The following GLS variants were observed in gnomAD, a reference collection of about 807,000 sequenced individuals.
GLS encodes the protein glutaminase, also known as glutaminase kidney isoform, mitochondrial.
A neutral mutation model predicts 86.7 loss-of-function variants in GLS; 36 were observed. That is an observed-to-expected ratio of 0.42 (90% CI 0.32 to 0.55). GLS has a LOEUF of 0.55. Ranked by LOEUF, GLS falls within the 20% of genes least tolerant of loss-of-function variation. The probability of loss-of-function intolerance (pLI) is 0.17; values close to 1 mark genes in which losing one functional copy is unlikely to be tolerated. For synonymous variants in GLS, 317 were observed against 305.9 expected (o/e 1.04, Z -0.38); for missense variants, 528 against 833.4 (o/e 0.63, Z 4.51).
chr2:190,934,101 T>C (rs888619302), intron 14 of GLS: 33 of 978,526 alleles, frequency 3.4e-5, no homozygotes, highest in Non-Finnish European at 3.9e-5. Flanking sequence ...GTTTTCCCCA[T>C]AGTTCCCCTA....
In GLS at chr2:190,881,207, G is replaced by A; in HGVS notation, c.123G>A (p.Gly41=). The change falls in exon 1 of 18, where the codon GGG becomes GGA. Residue 41 remains glycine, a synonymous_variant. Coordinates refer to ENST00000320717, the MANE Select transcript of GLS (RefSeq NM_014905.5). ...CCCTGTGCCGGCGTCCCCGAGGCGG[G>A]GGACGGCCGGCCGCGGGCCCGGCTG... is the stretch of plus-strand genomic sequence containing the variant. ...LVTLCRRPRG[G]GRPAAGPAAA... 8.0e-7 allele frequency: 1 copy of A among 1,256,376 alleles called. No individual in the cohort carries two copies. The highest frequency in any genetic ancestry group is 1.6e-5 in the African/African-American group (1 of 64,102). The allele number at this position is 1,256,376 out of a possible 1,614,324, so 77.8% of individuals were successfully genotyped here.
In GLS at chr2:190,881,095, T is replaced by A; in HGVS notation, c.11T>A (p.Leu4Gln). The A allele has an allele frequency of 6.4e-7, 1 of 1,561,382 alleles. No homozygotes were observed. The highest frequency in any genetic ancestry group is 8.6e-7 in the Non-Finnish European group (1 of 1,161,218). The change falls in exon 1 of 18, where the codon CTG becomes CAG. Residue 4 changes from leucine (L) to glutamine (Q), a missense_variant. Leu to Gln is a moderately radical substitution (Grantham distance 113, BLOSUM62 -2). This residue lies in a region of GLS where 224 missense variants were observed against 187.9 expected (regional missense o/e 1.19). Transcript: ENST00000320717. MMR[L>Q]RGSGMLRDLL... The stretch of plus-strand genomic sequence containing the variant: ...GACGGACCCGGCGGCATGATGCGGC[T>A]GCGAGGCTCGGGGATGCTGCGGGAC...
Position 190,927,298 on chromosome 2 carries a change from T to C in GLS, c.1249-8T>C, listed in dbSNP as rs1689931051. 2.5e-6 allele frequency: 4 copies of C among 1,584,706 alleles called. No individual in the cohort carries two copies. In the East Asian group the frequency reaches 9.1e-5, roughly 36 times the overall value. On this transcript the variant is annotated splice_polypyrimidine_tract_variant and splice_region_variant and intron_variant, in intron 11 of 17. Coordinates refer to ENST00000320717, the MANE Select transcript of GLS (RefSeq NM_014905.5). ...TAGTATGAGAATTCTGCTTTTTCTT[T>C]GTGTTAGCTGTGCTCCATTGAAGTG...
intron 7 of GLS, among the ~76,000 whole-genome samples, chr2:190,910,623 A>T (rs1030905616): frequency 8.3e-5 from 12 of 145,096 alleles, no homozygotes; most frequent in South Asian, 4.5e-4. Flanking sequence ...TTTTTTTTTT[A>T]AAGTTTTGAT....
rs570493604 is a variant in GLS, at chr2:190,951,514, C to T, written c.1651-2051C>T. ...AAGGGGATCAGTGAGGGAACAAGAA[C>T]AGGGCATCTAGAGGATAAGTGTTTG... On this transcript the variant is annotated intron_variant, in intron 14 of 17. Coordinates refer to ENST00000320717, the MANE Select transcript of GLS (RefSeq NM_014905.5). This position sits in a 1 kb window ranked among gnomAD's most constrained non-coding sequence, Gnocchi z 4.2. Among the ~76,000 whole-genome samples, 1 of 152,164 alleles carries T rather than the reference C, an allele frequency of 6.6e-6. No individual in the cohort carries two copies. The highest frequency in any genetic ancestry group is 2.1e-4 in the South Asian group (1 of 4,816).
chr2:190,932,711 AC>A, intron 14 of GLS: 1 of 1,584,140 alleles, frequency 6.3e-7, no homozygotes, highest in East Asian at 2.3e-5. Context: ...TGCTTGAACA[AC>A]TAGCATTCCT....
In GLS at chr2:190,953,950, A is replaced by G. The variant is rs945684415; in HGVS notation, c.1712+324A>G. Reference sequence around the variant, plus strand: ...CTACCCTCCATTCCCAATCTTTGATATGTGTGTGTGTGTGTGTGTGTGTGT... The same window carrying G: ...CTACCCTCCATTCCCAATCTTTGATGTGTGTGTGTGTGTGTGTGTGTGTGT... On this transcript the variant is annotated intron_variant, in intron 15 of 17. Transcript: ENST00000320717. The surrounding 1 kb of genome is among the most constrained non-coding windows in gnomAD (Gnocchi z 4.0). 6.7e-4 allele frequency among the ~76,000 whole-genome samples: 91 copies of G among 136,764 alleles called. 1 individual carries two copies. The highest frequency in any genetic ancestry group is 1.8e-3 in the African/African-American group (67 of 36,250). 89.7% of individuals were successfully genotyped at this position (136,764 alleles called of 152,430 possible).
At position 190,963,009 on chromosome 2, in the gene GLS, A is replaced by T. The variant is rs1691040117; in HGVS notation, c.*23A>T. 4 of 1,519,896 alleles carry T rather than the reference A, an allele frequency of 2.6e-6. No individual in the cohort carries two copies. The South Asian group carries it at 4.8e-5, about 18-fold the overall frequency. The allele number at this position is 1,519,896 out of a possible 1,614,324, so 94.2% of individuals were successfully genotyped here. A position where few individuals can be genotyped will look rare whatever the true frequency, so the allele number is the denominator to read the frequency against. On this transcript the variant is annotated 3_prime_UTR_variant, in exon 18 of 18. Transcript: ENST00000320717. ...TAATGGTCTCAAATCCCAAGATTTA[A>T]ATCACTTACCTATTTAATTGTGGAA...
chr2:190,938,591 C>T lies in GLS; in HGVS notation c.1650+6954C>T, dbSNP rs999918135. 5.3e-5 allele frequency among the ~76,000 whole-genome samples: 8 copies of T among 151,644 alleles called. No individual in the cohort carries two copies. Among genetic ancestry groups the T allele is most frequent in the African/African-American group, 1.9e-4 (8 of 41,420 alleles). On this transcript the variant is annotated intron_variant, in intron 14 of 17. Transcript: ENST00000320717. The surrounding 1 kb of genome is among the most constrained non-coding windows in gnomAD (Gnocchi z 4.1). Reference sequence around the variant, plus strand: ...CTCCCACCCCACTCAGCCCCCTTTTCCAGGTTTCCTAGCACTTTGCTTTTT... The same window carrying T: ...CTCCCACCCCACTCAGCCCCCTTTTTCAGGTTTCCTAGCACTTTGCTTTTT...
At chr2:190,932,069 G>T (rs1690122763) in intron 14 of GLS, among the ~76,000 whole-genome samples, 1 of 151,260 alleles carries the variant, frequency 6.6e-6, no homozygotes, top group African/African-American at 2.4e-5. Flanking sequence ...CTGTGTAGAT[G>T]GATATGTAAA....
intron 1 of GLS, 113 bp downstream of exon 1, chr2:190,881,583 G>C (rs1037948724): frequency 9.6e-7 from 1 of 1,036,710 alleles, no homozygotes; most frequent in Non-Finnish European, 1.3e-6. Context: ...AAAAGAGAAA[G>C]AAAGAGGTGC....
chr2:190,891,749 T>C (rs953589385), intron 1 of GLS, among the ~76,000 whole-genome samples: 1 of 152,094 alleles, frequency 6.6e-6, no homozygotes, highest in Non-Finnish European at 1.5e-5. Context: ...ACCTCAGATA[T>C]ATATATTCAG....
chr2:190,941,555 AG>A (rs1258718688), intron 14 of GLS, among the ~76,000 whole-genome samples: 1 of 35,810 alleles, frequency 2.8e-5, no homozygotes, highest in African/African-American at 9.0e-5. Context: ...ATGCTAGGAG[AG>A]GGTACAATAA....
At chr2:190,917,718 C>T (rs992628787) in intron 7 of GLS, among the ~76,000 whole-genome samples, 3 of 152,126 alleles carry the variant, frequency 2.0e-5, no homozygotes, top group African/African-American at 7.2e-5. Context: ...CAACATTATG[C>T]TCCTTGTACG....
intron 1 of GLS, among the ~76,000 whole-genome samples, chr2:190,890,628 A>G (rs953476395): frequency 6.6e-6 from 1 of 152,174 alleles, no homozygotes; most frequent in African/African-American, 2.4e-5. Context: ...AGGTTTATTA[A>G]TCTGCCAGTT....
chr2:190,886,123 G>A (rs1304127091), intron 1 of GLS, among the ~76,000 whole-genome samples: 3 of 151,970 alleles, frequency 2.0e-5, no homozygotes, highest in Non-Finnish European at 4.4e-5. Context: ...CGCCTGCTTC[G>A]GCCTCCCAAA....
chr2:190,909,180 A>G (rs145224487), intron 6 of GLS, among the ~76,000 whole-genome samples: 2,401 of 150,206 alleles, frequency 0.016, 32 homozygotes, highest in Non-Finnish European at 0.028. Context: ...AATGTAGGAT[A>G]TTTTTCTTTT....
intron 12 of GLS, chr2:190,927,814 A>G: frequency 6.0e-6 from 1 of 168,060 alleles, no homozygotes; most frequent in South Asian, 1.5e-4. Context: ...GTTCAGAAAG[A>G]TTGCAAAGAT....
At position 190,905,241 on chromosome 2, in the gene GLS, AT is replaced by A; in HGVS notation, c.979+80del. 3 of 869,474 alleles carry A rather than the reference AT, an allele frequency of 3.5e-6. No homozygotes were observed. Among genetic ancestry groups the A allele is most frequent in the Non-Finnish European group, 1.8e-6 (1 of 561,588 alleles). 53.9% of individuals were successfully genotyped at this position (869,474 alleles called of 1,614,324 possible). A position where few individuals can be genotyped will look rare whatever the true frequency, so the allele number is the denominator to read the frequency against. On this transcript the variant is annotated intron_variant, in intron 6 of 17. Coordinates refer to ENST00000320717, the MANE Select transcript of GLS (RefSeq NM_014905.5). The surrounding 1 kb of genome is among the most constrained non-coding windows in gnomAD (Gnocchi z 4.6). ...TATGTAAATCTAAGTCGTTTTAAAC[AT>A]TTTTTGATTAAAATTAAAAGTATTT...
Sources: allele counts gnomAD v4.1 joint callset (sites outside exome capture counted in the v4.1 genomes callset), GRCh38; gene constraint gnomAD v4.1.1; regional missense constraint gnomAD v4.1.1; non-coding constraint Gnocchi (gnomAD v3.1); transcripts MANE v1.5; gene names NCBI Gene and HGNC (gene_info 2026-07-23, HGNC 2026-07-21).